The following SORCS1 variants were observed in gnomAD, a reference collection of about 807,000 sequenced individuals.
SORCS1 encodes the protein sortilin related VPS10 domain containing receptor 1.
Under a neutral mutation model 146.1 loss-of-function variants are expected in SORCS1, and 60 were observed. The ratio of observed to expected loss-of-function variants is 0.41; its 90% confidence interval spans 0.33 to 0.51. SORCS1 has a LOEUF of 0.51. Ranked by LOEUF, SORCS1 falls within the 20% of genes least tolerant of loss-of-function variation. SORCS1 has a pLI of 0.21. For synonymous variants in SORCS1, 637 were observed against 584.0 expected, an observed-to-expected ratio of 1.09 and a Z score of -1.31; for missense variants, 1,352 against 1,487.6, an observed-to-expected ratio of 0.91 and a Z score of 1.50.
At chr10:106,986,593 C>T (rs1442181724) in intron 1 of SORCS1, among the ~76,000 whole-genome samples, 2 of 151,764 alleles carry the variant, frequency 1.3e-5, no homozygotes, top group East Asian at 3.9e-4. Flanking sequence ...TCTCTTTCCT[C>T]ACTGGTACTC....
chr10:107,103,401 TG>T (rs1424742132), intron 1 of SORCS1, among the ~76,000 whole-genome samples: 1 of 152,208 alleles, frequency 6.6e-6, no homozygotes. Flanking sequence ...AACAGAACAC[TG>T]GAAGTCCTGC....
chr10:106,930,290 A>AG (rs1480657917), intron 2 of SORCS1, among the ~76,000 whole-genome samples: 1 of 152,146 alleles, frequency 6.6e-6, no homozygotes, highest in East Asian at 1.9e-4. Flanking sequence ...TCTAAAAAAA[A>AG]AAAACAAAAA....
At chr10:106,628,497 C>T (rs1848237819) in intron 19 of SORCS1, among the ~76,000 whole-genome samples, 1 of 152,204 alleles carries the variant, frequency 6.6e-6, no homozygotes, top group African/African-American at 2.4e-5. Flanking sequence ...CCCCTTACAC[C>T]TAACATGTTA....
intron 3 of SORCS1, among the ~76,000 whole-genome samples, chr10:106,814,740 G>C (rs893776884): frequency 4.6e-5 from 7 of 151,664 alleles, no homozygotes; most frequent in African/African-American, 9.7e-5. Context: ...TGGTGAAACC[G>C]CGTCTCTACT....
intron 3 of SORCS1, among the ~76,000 whole-genome samples, chr10:106,811,981 G>A (rs1203907665): frequency 6.6e-6 from 1 of 151,996 alleles, no homozygotes; most frequent in East Asian, 1.9e-4. Flanking sequence ...TTACCTTGAT[G>A]GTTTCAGAGT....
At chr10:106,692,773 G>GT (rs150092156) in intron 9 of SORCS1, among the ~76,000 whole-genome samples, 1,757 of 152,120 alleles carry the variant, frequency 0.012, 39 homozygotes, top group African/African-American at 0.04. Context: ...TGCTATAAGT[G>GT]TAACATTCTA....
chr10:106,832,238 G>C (rs1026903136), intron 2 of SORCS1, among the ~76,000 whole-genome samples: 2 of 149,644 alleles, frequency 1.3e-5, no homozygotes, highest in East Asian at 4.0e-4. Flanking sequence ...ACCCAGGCTG[G>C]AGTGCAGTTG....
chr10:107,180,472 T>C, the SORCS1 span, among the ~76,000 whole-genome samples: 1 of 152,206 alleles, frequency 6.6e-6, no homozygotes, highest in Non-Finnish European at 1.5e-5. Flanking sequence ...TGAAAGGCTC[T>C]GACCTTTGTT....
At position 106,679,394 on chromosome 10, in the gene SORCS1, T is replaced by C. The variant is rs1852270951; in HGVS notation, c.1664-62A>G. 3.0e-6 allele frequency: 4 copies of C among 1,352,884 alleles called. No individual in the cohort carries two copies. The Admixed American group carries it at 5.3e-5, about 18-fold the overall frequency. 83.8% of individuals were successfully genotyped at this position (1,352,884 alleles called of 1,614,324 possible). On this transcript the variant is annotated intron_variant, in intron 11 of 25. Transcript: ENST00000263054. ...TCTGCAAAAGCAACAATGGACTATATTGGCAGGTGCACTGCCTGAGAAAGA... is the reference window on the plus strand; with the variant it reads ...TCTGCAAAAGCAACAATGGACTATACTGGCAGGTGCACTGCCTGAGAAAGA...
chr10:106,618,064 T>C, intron 21 of SORCS1, 85 bp downstream of exon 21: 4 of 1,564,058 alleles, frequency 2.6e-6, no homozygotes, highest in Non-Finnish European at 3.5e-6. Flanking sequence ...AAGTCACAGC[T>C]GGGGGATGGT....
Position 106,874,390 on chromosome 10 carries a change from G to A in SORCS1, c.627-44717C>T, listed in dbSNP as rs541263450. On this transcript the variant is annotated intron_variant, in intron 2 of 25. Coordinates refer to ENST00000263054, the MANE Select transcript of SORCS1 (RefSeq NM_052918.5). ...TTCATAATAAAGTGTGTGTACAACTGAGCTTATCACTCAAGAAACCAAGTG... is the reference window on the plus strand; with the variant it reads ...TTCATAATAAAGTGTGTGTACAACTAAGCTTATCACTCAAGAAACCAAGTG... 1.1e-4 allele frequency among the ~76,000 whole-genome samples: 17 copies of A among 152,248 alleles called. No individual in the cohort carries two copies. The South Asian group carries it at 3.1e-3, about 28-fold the overall frequency.
At chr10:106,664,574 G>A (rs985676337) in intron 17 of SORCS1, among the ~76,000 whole-genome samples, 16 of 152,040 alleles carry the variant, frequency 1.1e-4, no homozygotes, top group African/African-American at 2.7e-4. Flanking sequence ...CCTGGGAGGC[G>A]GAGGTTGCAG....
At chr10:106,991,028 A>C (rs943528328) in intron 1 of SORCS1, among the ~76,000 whole-genome samples, 6 of 152,234 alleles carry the variant, frequency 3.9e-5, no homozygotes, top group Non-Finnish European at 7.3e-5. Context: ...TCATGTTGAA[A>C]AGAAAGCTGC....
chr10:106,770,225 A>C (rs2136317975), intron 4 of SORCS1, among the ~76,000 whole-genome samples: 1 of 152,346 alleles, frequency 6.6e-6, no homozygotes, highest in Admixed American at 6.5e-5. Context: ...GAAGGCCAAC[A>C]TACAGGCCTT....
intron 2 of SORCS1, among the ~76,000 whole-genome samples, chr10:106,940,588 T>C (rs924175824): frequency 3.3e-5 from 5 of 152,198 alleles, no homozygotes; most frequent in Admixed American, 2.0e-4. Flanking sequence ...ATCTATACTA[T>C]TAAAAGTAGG....
chr10:106,670,796 C>T (rs181006761), intron 16 of SORCS1, among the ~76,000 whole-genome samples: 4 of 151,160 alleles, frequency 2.6e-5, no homozygotes, highest in Admixed American at 6.6e-5. Context: ...TGGGTTCAAG[C>T]GATTCTCCTG....
At chr10:106,763,006 C>A (rs1008356124) in intron 4 of SORCS1, among the ~76,000 whole-genome samples, 1 of 151,976 alleles carries the variant, frequency 6.6e-6, no homozygotes, top group Non-Finnish European at 1.5e-5. Context: ...TTTTTTTAAG[C>A]CCGGAGCTCT....
At chr10:106,834,767 C>G (rs951244191) in intron 2 of SORCS1, among the ~76,000 whole-genome samples, 5 of 152,178 alleles carry the variant, frequency 3.3e-5, no homozygotes, top group African/African-American at 4.8e-5. Context: ...GAATTCTTCA[C>G]TTGTACCATT....
chr10:106,582,274 G>T (rs1325485975), intron 24 of SORCS1, among the ~76,000 whole-genome samples: 2 of 152,112 alleles, frequency 1.3e-5, no homozygotes, highest in African/African-American at 4.8e-5. Context: ...CATTAACACT[G>T]TTAAGTAATT....
Sources: gnomAD v4.1 joint callset for allele counts (sites outside exome capture counted in the v4.1 genomes callset) on GRCh38, gnomAD v4.1.1 for gene constraint, MANE v1.5 for transcripts, NCBI Gene and HGNC (gene_info 2026-07-23, HGNC 2026-07-21) for gene names.